PDE7B: variants seen among roughly 807,000 people sequenced by gnomAD.
The protein encoded by PDE7B is 3',5'-cyclic-AMP phosphodiesterase 7B.
In PDE7B, 29 loss-of-function variants were observed where a neutral mutation model predicts 56.2. The observed-to-expected ratio is 0.52, with a 90% CI of 0.38 to 0.70. The LOEUF (loss-of-function observed/expected upper bound fraction) is 0.70, where lower values mean the gene tolerates loss of function less well. PDE7B is among the 30% of genes least tolerant of loss of function. The pLI is 0.00. For synonymous variants in PDE7B, 197 were observed against 196.9 expected (o/e 1.00, Z 0.00); for missense variants, 490 against 565.0 (o/e 0.87, Z 1.35).
intron 1 of PDE7B, among the ~76,000 whole-genome samples, chr6:135,900,082 A>G (rs1468715415): frequency 2.0e-5 from 3 of 152,138 alleles, no homozygotes; most frequent in Non-Finnish European, 4.4e-5. Flanking sequence ...CTTTGTAGCT[A>G]ACTTTTCCCC....
Position 136,194,203 on chromosome 6 carries a change from G to A in PDE7B, c.*2363G>A, listed in dbSNP as rs1211125445. 1 of 152,080 alleles carries A rather than the reference G, an allele frequency of 6.6e-6. No individual in the cohort carries two copies. Among genetic ancestry groups the A allele is most frequent in the Non-Finnish European group, 1.5e-5 (1 of 68,018 alleles). The allele number at this position is 152,080 out of a possible 1,614,324, so 9.4% of individuals were successfully genotyped here. Reference sequence around the variant, plus strand: ...AATTGCTGGGGACAAGAAAAGTAGAGGTAGGAAAGAAGACACTATTTTAGC... The same window carrying A: ...AATTGCTGGGGACAAGAAAAGTAGAAGTAGGAAAGAAGACACTATTTTAGC... On this transcript the variant is annotated 3_prime_UTR_variant, in exon 13 of 13. Coordinates refer to ENST00000308191, the MANE Select transcript of PDE7B (RefSeq NM_018945.4).
intron 3 of PDE7B, among the ~76,000 whole-genome samples, chr6:136,131,565 C>T (rs925041214): frequency 6.7e-6 from 1 of 149,086 alleles, no homozygotes; most frequent in East Asian, 2.0e-4. Flanking sequence ...CCCTTCCCCA[C>T]AAGCTGCTGC....
intron 2 of PDE7B, among the ~76,000 whole-genome samples, chr6:135,998,367 A>T (rs1245949347): frequency 1.3e-5 from 2 of 152,214 alleles, no homozygotes; most frequent in Non-Finnish European, 2.9e-5. Flanking sequence ...TATAATGCAG[A>T]TTATTTATCT....
chr6:136,124,113 C>T (rs1476332873), intron 3 of PDE7B, among the ~76,000 whole-genome samples: 6 of 151,988 alleles, frequency 3.9e-5, no homozygotes, highest in Non-Finnish European at 7.4e-5. Context: ...AAAATGAATA[C>T]TTATACTCCT....
At chr6:135,971,478 G>A (rs1775093412) in intron 2 of PDE7B, among the ~76,000 whole-genome samples, 1 of 152,036 alleles carries the variant, frequency 6.6e-6, no homozygotes, top group Admixed American at 6.6e-5. Context: ...CAGAGAAGGA[G>A]TCAATTTTAA....
chr6:136,157,561 G>A (rs1180702710), intron 8 of PDE7B, among the ~76,000 whole-genome samples: 1 of 152,184 alleles, frequency 6.6e-6, no homozygotes, highest in Non-Finnish European at 1.5e-5. Flanking sequence ...CTGGGCAACA[G>A]AGGGAGACTC....
intron 1 of PDE7B, among the ~76,000 whole-genome samples, chr6:135,905,348 A>ATG (rs71682918): frequency 0.12 from 18,081 of 148,134 alleles, 1,304 homozygotes; most frequent in East Asian, 0.31. Context: ...GTGTGTGTGT[A>ATG]TGTGTGTGTG....
In PDE7B at chr6:136,193,881, G is replaced by T. The variant is rs1379047844; in HGVS notation, c.*2041G>T. On this transcript the variant is annotated 3_prime_UTR_variant, in exon 13 of 13. Coordinates refer to ENST00000308191, the MANE Select transcript of PDE7B (RefSeq NM_018945.4). The stretch of plus-strand genomic sequence containing the variant: ...GGAGAGATTATCAGATGGTGCTAAA[G>T]AAAGTGTGAAGATCTTATGAAATAG... 2 of 152,332 alleles carry T rather than the reference G, an allele frequency of 1.3e-5. No individual in the cohort carries two copies. The highest frequency in any genetic ancestry group is 4.1e-4 in the South Asian group (2 of 4,826). 9.4% of individuals were successfully genotyped at this position (152,332 alleles called of 1,614,324 possible).
intron 4 of PDE7B, among the ~76,000 whole-genome samples, chr6:136,148,631 T>G (rs183598046): frequency 2.0e-3 from 312 of 152,310 alleles, no homozygotes; most frequent in African/African-American, 7.1e-3. Flanking sequence ...TTTTGAATGT[T>G]TGCTTGTTTG....
intron 2 of PDE7B, among the ~76,000 whole-genome samples, chr6:135,976,832 G>C (rs967554137): frequency 9.2e-5 from 14 of 152,074 alleles, no homozygotes; most frequent in African/African-American, 3.4e-4. Flanking sequence ...GCTTCCTGCT[G>C]GTTCACCTAG....
intron 3 of PDE7B, among the ~76,000 whole-genome samples, chr6:136,130,084 G>C (rs571278736): frequency 1.4e-4 from 22 of 152,214 alleles, no homozygotes; most frequent in East Asian, 1.9e-4. Context: ...ATAGTCGTAA[G>C]AATAAAAACA....
intron 2 of PDE7B, among the ~76,000 whole-genome samples, chr6:136,030,451 CAT>C (rs1491445037): frequency 6.6e-6 from 1 of 150,956 alleles, no homozygotes; most frequent in Non-Finnish European, 1.5e-5. Context: ...GCTGTGTGTG[CAT>C]GTGTGTGTGT....
intron 3 of PDE7B, among the ~76,000 whole-genome samples, chr6:136,141,587 A>T (rs1476969413): frequency 6.6e-6 from 1 of 152,126 alleles, no homozygotes; most frequent in Non-Finnish European, 1.5e-5. Flanking sequence ...CTGTGAATCC[A>T]TCTGGTCCTG....
intron 2 of PDE7B, among the ~76,000 whole-genome samples, chr6:135,998,047 T>C (rs1775596252): frequency 6.6e-6 from 1 of 152,208 alleles, no homozygotes; most frequent in Non-Finnish European, 1.5e-5. Context: ...TGCAGTGTAT[T>C]GATAGAATAT....
At chr6:135,994,934 A>C (rs1775538721) in intron 2 of PDE7B, among the ~76,000 whole-genome samples, 1 of 152,232 alleles carries the variant, frequency 6.6e-6, no homozygotes, top group African/African-American at 2.4e-5. Flanking sequence ...CATAGGGCTC[A>C]GTTTTTATCT....
At chr6:136,129,492 C>A (rs1778079966) in intron 3 of PDE7B, among the ~76,000 whole-genome samples, 1 of 152,140 alleles carries the variant, frequency 6.6e-6, no homozygotes, top group South Asian at 2.1e-4. Flanking sequence ...CCAACCACAC[C>A]CCTCCCCACT....
chr6:136,163,278 T>G (rs1778739306), intron 8 of PDE7B, among the ~76,000 whole-genome samples: 1 of 152,262 alleles, frequency 6.6e-6, no homozygotes, highest in African/African-American at 2.4e-5. Flanking sequence ...TTGACTTCTG[T>G]GCACCCACAA....
intron 2 of PDE7B, among the ~76,000 whole-genome samples, chr6:136,108,125 CAAAAAAA>C (rs60727586): frequency 4.6e-5 from 5 of 108,674 alleles, no homozygotes; most frequent in Non-Finnish European, 5.3e-5. Context: ...GACTCCATGT[CAAAAAAA>C]AAAAAAAAAA....
At chr6:136,011,239 AG>A (rs1300633179) in intron 2 of PDE7B, among the ~76,000 whole-genome samples, 1 of 152,202 alleles carries the variant, frequency 6.6e-6, no homozygotes, top group African/African-American at 2.4e-5. Flanking sequence ...TCAGGGTATC[AG>A]GGTATCAAGA....
Sources: gnomAD v4.1 joint callset for allele counts (sites outside exome capture counted in the v4.1 genomes callset) on GRCh38, gnomAD v4.1.1 for gene constraint, MANE v1.5 for transcripts, NCBI Gene and HGNC (gene_info 2026-07-23, HGNC 2026-07-21) for gene names.